ANKRD11: variants seen among roughly 807,000 people sequenced by gnomAD.
ANKRD11 encodes ankyrin repeat domain-containing protein 11.
ANKRD11 carries 17 observed loss-of-function variants against 195.7 expected under a neutral mutation model. The ratio of observed to expected loss-of-function variants is 0.09; its 90% confidence interval spans 0.06 to 0.13. The LOEUF (loss-of-function observed/expected upper bound fraction) is 0.13. Among genes scored for constraint, ANKRD11 ranks in the 10% least tolerant of loss-of-function variants. ANKRD11 has a pLI of 1.00. For synonymous variants in ANKRD11, 1,953 were observed against 1,528.1 expected (o/e 1.28, Z -6.49); for missense variants, 3,735 against 3,566.1 (o/e 1.05, Z -1.21).
At chr16:89,482,288 C>G (rs375234354) in intron 1 of ANKRD11, among the ~76,000 whole-genome samples, 18 of 152,176 alleles carry the variant, frequency 1.2e-4, no homozygotes, top group Non-Finnish European at 1.5e-5. Flanking sequence ...GTCAGCCACA[C>G]CGTGCTTTAC....
intron 1 of ANKRD11, among the ~76,000 whole-genome samples, chr16:89,488,343 A>G (rs978344479): frequency 3.9e-5 from 6 of 152,018 alleles, no homozygotes; most frequent in African/African-American, 1.2e-4. Context: ...GAAACTACAG[A>G]AAGAGGAGAA....
At chr16:89,330,084 A>G (rs2037968382) in intron 2 of ANKRD11, among the ~76,000 whole-genome samples, 1 of 152,324 alleles carries the variant, frequency 6.6e-6, no homozygotes, top group Admixed American at 6.5e-5. Flanking sequence ...ACATTTTAAT[A>G]ATGTTTAAAA....
At chr16:89,324,125 A>G in intron 2 of ANKRD11, 1 of 783,144 alleles carries the variant, frequency 1.3e-6, no homozygotes, top group Non-Finnish European at 1.7e-6. Flanking sequence ...GCCCCACGGC[A>G]CAACGCTCTC....
At chr16:89,478,820 G>C (rs187546924) in intron 1 of ANKRD11, among the ~76,000 whole-genome samples, 1 of 152,342 alleles carries the variant, frequency 6.6e-6, no homozygotes, top group African/African-American at 2.4e-5. Flanking sequence ...CACCTCCAAA[G>C]ACTGACACTG....
intron 2 of ANKRD11, among the ~76,000 whole-genome samples, chr16:89,332,796 C>A (rs1360979997): frequency 6.6e-6 from 1 of 152,222 alleles, no homozygotes; most frequent in Non-Finnish European, 1.5e-5. Flanking sequence ...AGGAGGTTAT[C>A]CTGGTACAAC....
chr16:89,467,784 T>C (rs775640102), intron 1 of ANKRD11, among the ~76,000 whole-genome samples: 3 of 152,146 alleles, frequency 2.0e-5, no homozygotes, highest in Non-Finnish European at 1.5e-5. Context: ...ACTGGGTGAC[T>C]TGCTACCCAC....
intron 11 of ANKRD11, chr16:89,271,111 G>T: frequency 1.6e-6 from 1 of 627,570 alleles, no homozygotes; most frequent in South Asian, 1.7e-5. Flanking sequence ...CCTAAAATGC[G>T]CGTGGAGGCA....
chr16:89,301,855 G>A (rs904525409), intron 4 of ANKRD11, among the ~76,000 whole-genome samples: 1 of 152,192 alleles, frequency 6.6e-6, no homozygotes, highest in Non-Finnish European at 1.5e-5. Context: ...GGGCAGGGCC[G>A]ACTCAACCCT....
chr16:89,384,879 C>CTTTTTTTCTTTTT (rs2040834271), intron 2 of ANKRD11, among the ~76,000 whole-genome samples: 1 of 49,910 alleles, frequency 2.0e-5, no homozygotes, highest in African/African-American at 7.9e-5. Flanking sequence ...AAATAGTTTT[C>CTTTTTTTCTTTTT]TTTTTTTTTT....
intron 3 of ANKRD11, chr16:89,313,594 A>T: frequency 7.8e-7 from 1 of 1,289,084 alleles, no homozygotes; most frequent in Non-Finnish European, 1.0e-6. Flanking sequence ...AAAAATCTAA[A>T]AATATATTGT....
chr16:89,426,568 A>AC (rs1320103877), intron 1 of ANKRD11, among the ~76,000 whole-genome samples: 23 of 81,674 alleles, frequency 2.8e-4, no homozygotes, highest in Admixed American at 2.5e-3. Flanking sequence ...CACACACACA[A>AC]ATCTGAAATC....
At chr16:89,290,292 CCGGGGGAGGCTCAGGGCTCCAAT>C (rs2034955304) in intron 6 of ANKRD11, among the ~76,000 whole-genome samples, 23 of 48,324 alleles carry the variant, frequency 4.8e-4, no homozygotes, top group African/African-American at 1.7e-3. Flanking sequence ...AGGGCTCCAG[CCGGGGGAGGCTCAGGGCTCCAAT>C]GGGGGGAGGC....
chr16:89,434,870 T>C lies in ANKRD11; in HGVS notation c.-144-16502A>G, dbSNP rs116093945. The stretch of plus-strand genomic sequence containing the variant: ...TGCCCTGAGGAAGTTATGCTCTAAC[T>C]GGTGAGACTGCACCAAGGCACAAGA... On this transcript the variant is annotated intron_variant, in intron 1 of 12. Coordinates refer to ENST00000301030, the MANE Select transcript of ANKRD11 (RefSeq NM_013275.6). 3.8e-3 allele frequency among the ~76,000 whole-genome samples: 585 copies of C among 152,324 alleles called. 2 individuals are homozygous for C. The highest frequency in any genetic ancestry group is 0.014 in the African/African-American group (564 of 41,568).
intron 10 of ANKRD11, 59 bp from the exon 11 acceptor site, chr16:89,275,016 C>A: frequency 1.2e-6 from 2 of 1,613,002 alleles, no homozygotes; most frequent in Non-Finnish European, 1.7e-6. Context: ...GCCCCACTGT[C>A]AACACGACAG....
At chr16:89,271,261 CAG>C (rs1169481691) in intron 11 of ANKRD11, 1 of 350,560 alleles carries the variant, frequency 2.9e-6, no homozygotes, top group Non-Finnish European at 5.5e-6. Context: ...TTTTAAGAGA[CAG>C]AGTTTCGCTT....
At chr16:89,375,058 G>A (rs951190381) in intron 2 of ANKRD11, among the ~76,000 whole-genome samples, 1 of 151,966 alleles carries the variant, frequency 6.6e-6, no homozygotes, top group Non-Finnish European at 1.5e-5. Context: ...ACTGTACATG[G>A]CATCGTTCAG....
At chr16:89,408,788 T>C (rs2042007100) in intron 2 of ANKRD11, among the ~76,000 whole-genome samples, 1 of 152,180 alleles carries the variant, frequency 6.6e-6, no homozygotes, top group Non-Finnish European at 1.5e-5. Flanking sequence ...CCTAAACATC[T>C]TTTGAGGCCT....
At chr16:89,489,166 T>C (rs2057717724) in intron 1 of ANKRD11, 1 of 151,102 alleles carries the variant, frequency 6.6e-6, no homozygotes, top group Non-Finnish European at 1.5e-5. Flanking sequence ...AACAGTACAA[T>C]CCCTCTTTGA....
chr16:89,386,269 C>A (rs2040905670), intron 2 of ANKRD11, among the ~76,000 whole-genome samples: 1 of 152,014 alleles, frequency 6.6e-6, no homozygotes, highest in South Asian at 2.1e-4. Flanking sequence ...TGTTAAAAAT[C>A]AGTCACTTTT....
Sources: gnomAD v4.1 joint callset for allele counts (sites outside exome capture counted in the v4.1 genomes callset) on GRCh38, gnomAD v4.1.1 for gene constraint, MANE v1.5 for transcripts, NCBI Gene and HGNC (gene_info 2026-07-23, HGNC 2026-07-21) for gene names.